Variants in CNGB1 observed in about 807,000 individuals in gnomAD.
CNGB1 encodes cyclic nucleotide-gated channel beta-1.
In CNGB1, 126 loss-of-function variants were observed where a neutral mutation model predicts 151.7. That is an observed-to-expected ratio of 0.83 (90% CI 0.72 to 0.96). The LOEUF (loss-of-function observed/expected upper bound fraction) is 0.96, where lower values mean the gene tolerates loss of function less well. CNGB1 is among the 40% of genes least tolerant of loss of function. The pLI, the probability that CNGB1 is intolerant of heterozygous loss-of-function variation, is 0.00. For missense variants in CNGB1, 1,698 were observed against 1,627.0 expected, an observed-to-expected ratio of 1.04 and a Z score of -0.75; for synonymous variants, 623 against 635.1, an observed-to-expected ratio of 0.98 and a Z score of 0.29.
chr16:57,937,020 G>C (rs757743556), intron 16 of CNGB1: 3 of 152,364 alleles, frequency 2.0e-5, no homozygotes, highest in African/African-American at 4.8e-5. Flanking sequence ...CACCCAGGCA[G>C]GAAGACAGCC....
chr16:57,970,019 C>T (rs529485107), intron 1 of CNGB1, among the ~76,000 whole-genome samples: 50 of 152,340 alleles, frequency 3.3e-4, no homozygotes, highest in African/African-American at 1.2e-3. Flanking sequence ...CCAGAGCCCA[C>T]GGCTGTGCTG....
intron 16 of CNGB1, among the ~76,000 whole-genome samples, chr16:57,934,370 C>T (rs1236470609): frequency 1.3e-5 from 2 of 151,862 alleles, no homozygotes; most frequent in African/African-American, 4.8e-5. Flanking sequence ...GGAGGTAGAA[C>T]CTGCAATGAG....
intron 1 of CNGB1, among the ~76,000 whole-genome samples, chr16:57,969,679 A>C (rs539390255): frequency 1.3e-5 from 2 of 152,356 alleles, no homozygotes; most frequent in Admixed American, 6.5e-5. Context: ...ATGCCAGGTA[A>C]GACTTTTTTC....
chr16:57,899,867 TCA>T (rs1433640360), intron 29 of CNGB1, among the ~76,000 whole-genome samples: 1 of 152,164 alleles, frequency 6.6e-6, no homozygotes, highest in African/African-American at 2.4e-5. Flanking sequence ...CCGGGGTGTC[TCA>T]GAGAGATCGC....
Position 57,958,395 on chromosome 16 carries a change from G to T in CNGB1, c.837+15C>A, listed in dbSNP as rs775982221. ...ACCACCACCAGGGCCACCACTCCAT[G>T]AGCCCAGCACTGACCTGTTCCCCTA... On this transcript the variant is annotated intron_variant, in intron 11 of 32. Coordinates refer to ENST00000251102, the MANE Select transcript of CNGB1 (RefSeq NM_001297.5). 1.3e-6 allele frequency: 2 copies of T among 1,529,436 alleles called. No homozygotes were observed. The highest frequency in any genetic ancestry group is 4.2e-5 in the African/African-American group (2 of 47,502). 94.7% of individuals were successfully genotyped at this position (1,529,436 alleles called of 1,614,324 possible).
chr16:57,961,065 GC>G, intron 7 of CNGB1, 150 bp from the exon 8 acceptor site: 1 of 734,506 alleles, frequency 1.4e-6, no homozygotes, highest in Non-Finnish European at 2.4e-6. Context: ...CTCTCAAAGG[GC>G]CCCAAGCGGG....
intron 31 of CNGB1, among the ~76,000 whole-genome samples, chr16:57,896,386 G>C (rs1396148322): frequency 6.6e-6 from 1 of 152,136 alleles, no homozygotes; most frequent in African/African-American, 2.4e-5. Flanking sequence ...GAAAACATCA[G>C]ACAAACCCCA....
At position 57,949,334 on chromosome 16, in the gene CNGB1, A is replaced by G. The variant is rs2149381271; in HGVS notation, c.1121+19T>C. On this transcript the variant is annotated intron_variant, in intron 14 of 32. Transcript: ENST00000251102. ...CCCAGCCCCAGGGCCGTTCCCAGAC[A>G]GGTGAGCAAATGACTTACTCAGTCA... 3 of 1,607,084 alleles carry G rather than the reference A, an allele frequency of 1.9e-6. No homozygotes were observed. Among genetic ancestry groups the G allele is most frequent in the African/African-American group, 1.3e-5 (1 of 75,034 alleles).
rs78154829 is a variant in CNGB1 at position 57,884,275 on chromosome 16, C to A, written c.3645G>T (p.Pro1215=). The A allele has an allele frequency of 6.2e-7, 1 of 1,613,614 alleles. No individual in the cohort carries two copies. The highest frequency in any genetic ancestry group is 1.1e-5 in the South Asian group (1 of 91,070). The change falls in exon 33 of 33, where the codon CCG becomes CCT. Residue 1215 remains proline, a synonymous_variant. Coordinates refer to ENST00000251102, the MANE Select transcript of CNGB1 (RefSeq NM_001297.5). ...LGRPEGEEEG[P]AEPEEHSVRI... is the part of the protein sequence containing the mutation. ...TCACCGAGTGCTCTTCGGGCTCGGC[C>A]GGCCCCTCCTCCTCTCCCTCCGGCC...
chr16:57,906,409 A>G (rs927006576), intron 25 of CNGB1, among the ~76,000 whole-genome samples: 1 of 152,180 alleles, frequency 6.6e-6, no homozygotes, highest in African/African-American at 2.4e-5. Flanking sequence ...ATCCTCAAGA[A>G]GCTCGTGGTC....
intron 13 of CNGB1, 66 bp from the exon 14 acceptor site, chr16:57,949,505 C>T: frequency 1.9e-6 from 3 of 1,607,690 alleles, no homozygotes; most frequent in Non-Finnish European, 2.5e-6. Context: ...TACCTCCTGC[C>T]TCTATTTTCT....
intron 14 of CNGB1, among the ~76,000 whole-genome samples, chr16:57,948,094 A>G (rs1377874055): frequency 3.9e-5 from 6 of 152,094 alleles, no homozygotes; most frequent in African/African-American, 1.4e-4. Flanking sequence ...ACAGGGACAT[A>G]ATGCCAGGGG....
In CNGB1 at chr16:57,888,037, TCTC is replaced by T. The variant is rs1293177856; in HGVS notation, c.3277_3279del (p.Glu1093del). The T allele has an allele frequency of 2.5e-6, 4 of 1,613,968 alleles. No individual in the cohort carries two copies. Among genetic ancestry groups the T allele is most frequent in the African/African-American group, 1.3e-5 (1 of 74,906 alleles). ...CGGGGTGGAAGGATCAGCACGCTCT[TCTC>T]CTCCTTGGGCTTATTGTTGCTTCTC... On this transcript the variant is annotated inframe_deletion, in exon 32 of 33. Coordinates refer to ENST00000251102, the MANE Select transcript of CNGB1 (RefSeq NM_001297.5).
chr16:57,909,749 A>G (rs1960656501), intron 25 of CNGB1, among the ~76,000 whole-genome samples: 1 of 152,300 alleles, frequency 6.6e-6, no homozygotes, highest in East Asian at 1.9e-4. Context: ...AACAGTGCTC[A>G]TGCCCACCTC....
At chr16:57,944,449 T>A (rs1234933163) in intron 14 of CNGB1, among the ~76,000 whole-genome samples, 3 of 152,090 alleles carry the variant, frequency 2.0e-5, no homozygotes, top group Non-Finnish European at 4.4e-5. Context: ...GAAGCACAAA[T>A]GTGAGAGATC....
rs1017713632 is a variant in CNGB1 at position 57,887,836 on chromosome 16, G to T, written c.3462+19C>A. On this transcript the variant is annotated intron_variant, in intron 32 of 32. Coordinates refer to ENST00000251102, the MANE Select transcript of CNGB1 (RefSeq NM_001297.5). ...ACATATTGAAATGAACGTGGTGGCT[G>T]GGTTCCCAACCACATTACCTGTTCC... The T allele has an allele frequency of 6.2e-7, 1 of 1,611,794 alleles. No homozygotes were observed. The highest frequency in any genetic ancestry group is 1.3e-5 in the African/African-American group (1 of 74,994).
At chr16:57,954,834 A>G (rs1717566983) in intron 12 of CNGB1, 1 of 992,826 alleles carries the variant, frequency 1.0e-6, no homozygotes, top group Admixed American at 5.7e-5. Context: ...GCCAGGTACC[A>G]CACTGGGGGC....
Position 57,962,890 on chromosome 16 carries a change from A to T in CNGB1, c.382-18T>A. 6.2e-7 allele frequency: 1 copy of T among 1,612,586 alleles called. No individual in the cohort carries two copies. The highest frequency in any genetic ancestry group is 8.5e-7 in the Non-Finnish European group (1 of 1,180,016). ...CCCAGGATCTGCCAGGGACAGACAGACAGACATGGGCAGGGAGCCCAAGGG... is the reference window on the plus strand; with the variant it reads ...CCCAGGATCTGCCAGGGACAGACAGTCAGACATGGGCAGGGAGCCCAAGGG... On this transcript the variant is annotated intron_variant, in intron 5 of 32. Transcript: ENST00000251102.
intron 17 of CNGB1, among the ~76,000 whole-genome samples, chr16:57,929,429 A>G (rs1961280569): frequency 6.7e-6 from 1 of 149,136 alleles, no homozygotes; most frequent in South Asian, 2.1e-4. Flanking sequence ...CATCTTACAC[A>G]GCAGTGAGAG....
Sources: allele counts gnomAD v4.1 joint callset (sites outside exome capture counted in the v4.1 genomes callset), GRCh38; gene constraint gnomAD v4.1.1; transcripts MANE v1.5; gene names NCBI Gene and HGNC (gene_info 2026-07-23, HGNC 2026-07-21).